The following EFNA5 variants were observed in gnomAD, a reference collection of about 807,000 sequenced individuals.
EFNA5 encodes the protein ephrin A5.
EFNA5 carries 5 observed loss-of-function variants against 22.9 expected under a neutral mutation model. The observed-to-expected ratio is 0.22, with a 90% confidence interval of 0.11 to 0.46. The LOEUF (loss-of-function observed/expected upper bound fraction) is 0.46, where lower values mean the gene tolerates loss of function less well. Among genes scored for constraint, EFNA5 ranks in the 20% least tolerant of loss-of-function variants. The pLI, the probability that EFNA5 is intolerant of heterozygous loss-of-function variation, is 0.99. For missense variants in EFNA5, 237 were observed against 293.3 expected (o/e 0.81, Z 1.40); for synonymous variants, 113 against 112.2 (o/e 1.01, Z -0.04).
intron 1 of EFNA5, among the ~76,000 whole-genome samples, chr5:107,545,305 T>C (rs1344650682): frequency 2.0e-5 from 3 of 152,258 alleles, no homozygotes; most frequent in African/African-American, 7.2e-5. Context: ...ACACATGCAG[T>C]ATTTCTAATG....
At chr5:107,520,864 A>G (rs1377300689) in intron 1 of EFNA5, among the ~76,000 whole-genome samples, 1 of 152,220 alleles carries the variant, frequency 6.6e-6, no homozygotes, top group African/African-American at 2.4e-5. Context: ...CAGGGTACTT[A>G]GCAGTCATTC....
intron 1 of EFNA5, among the ~76,000 whole-genome samples, chr5:107,629,767 T>C (rs62355655): frequency 0.087 from 13,248 of 152,232 alleles, 641 homozygotes; most frequent in Middle Eastern, 0.2. Context: ...TAAAACATTA[T>C]GAGATGTGGC....
chr5:107,414,981 C>CT (rs1208191589), intron 2 of EFNA5, among the ~76,000 whole-genome samples: 1 of 152,128 alleles, frequency 6.6e-6, no homozygotes, highest in Non-Finnish European at 1.5e-5. Context: ...TTGAACACTG[C>CT]TTTTCACACA....
At chr5:107,480,547 A>G (rs553889090) in intron 1 of EFNA5, among the ~76,000 whole-genome samples, 5 of 152,350 alleles carry the variant, frequency 3.3e-5, no homozygotes, top group Admixed American at 3.3e-4. Flanking sequence ...ATGGATCAAG[A>G]CTAAAGACAC....
At chr5:107,506,791 G>A (rs1291735251) in intron 1 of EFNA5, among the ~76,000 whole-genome samples, 1 of 152,096 alleles carries the variant, frequency 6.6e-6, no homozygotes, top group East Asian at 1.9e-4. Flanking sequence ...AGATTTTGAG[G>A]GTGAAACCTA....
At chr5:107,381,726 C>T (rs967070853) in intron 4 of EFNA5, among the ~76,000 whole-genome samples, 9 of 151,560 alleles carry the variant, frequency 5.9e-5, no homozygotes, top group African/African-American at 1.9e-4. Context: ...TAAGATGTCA[C>T]AGGCAAGCAA....
At chr5:107,561,254 A>G (rs1437640925) in intron 1 of EFNA5, among the ~76,000 whole-genome samples, 1 of 152,238 alleles carries the variant, frequency 6.6e-6, no homozygotes, top group African/African-American at 2.4e-5. Flanking sequence ...TTAGTAAGAA[A>G]TAGCCATAAA....
intron 1 of EFNA5, among the ~76,000 whole-genome samples, chr5:107,489,088 T>A (rs905773847): frequency 1.3e-5 from 2 of 152,364 alleles, no homozygotes; most frequent in South Asian, 2.1e-4. Flanking sequence ...ATTCAAGGTA[T>A]ATATAATAGG....
At chr5:107,480,716 G>A (rs1015137739) in intron 1 of EFNA5, among the ~76,000 whole-genome samples, 7 of 152,164 alleles carry the variant, frequency 4.6e-5, no homozygotes, top group Admixed American at 4.6e-4. Context: ...ATACACAGAA[G>A]CCAGGGAAAA....
intron 1 of EFNA5, among the ~76,000 whole-genome samples, chr5:107,532,444 G>T (rs1036084508): frequency 6.6e-6 from 1 of 152,236 alleles, no homozygotes; most frequent in African/African-American, 2.4e-5. Flanking sequence ...ATTCCAGCAG[G>T]GAGTCTGGCT....
intron 4 of EFNA5, among the ~76,000 whole-genome samples, chr5:107,382,881 C>T (rs779755599): frequency 5.3e-5 from 8 of 152,164 alleles, no homozygotes; most frequent in Non-Finnish European, 1.2e-4. Flanking sequence ...CCTAAATACC[C>T]CTGGATGACC....
chr5:107,535,629 C>T (rs554869851), intron 1 of EFNA5, among the ~76,000 whole-genome samples: 1 of 152,202 alleles, frequency 6.6e-6, no homozygotes, highest in East Asian at 1.9e-4. Context: ...ATAGAGCCCT[C>T]TAACTGCAGC....
chr5:107,454,799 G>GA (rs1749650843), intron 1 of EFNA5, among the ~76,000 whole-genome samples: 1 of 151,962 alleles, frequency 6.6e-6, no homozygotes, highest in African/African-American at 2.4e-5. Flanking sequence ...ATACATTTCA[G>GA]AAAAAAATGT....
Position 107,649,851 on chromosome 5 carries a change from T to C in EFNA5, c.125+20638A>G, listed in dbSNP as rs569919270. Reference sequence around the variant, plus strand: ...CATCACAGTAACTCTATCAGACAAATAGATTAGTATTTCCATATATAAATG... The same window carrying C: ...CATCACAGTAACTCTATCAGACAAACAGATTAGTATTTCCATATATAAATG... On this transcript the variant is annotated intron_variant, in intron 1 of 4. Coordinates refer to ENST00000333274, the MANE Select transcript of EFNA5 (RefSeq NM_001962.3). Among the ~76,000 whole-genome samples, 6 of 152,258 alleles carry C rather than the reference T, an allele frequency of 3.9e-5. No homozygotes were observed. In the East Asian group the frequency reaches 7.7e-4, roughly 20 times the overall value.
intron 1 of EFNA5, among the ~76,000 whole-genome samples, chr5:107,592,015 A>AT (rs1561443248): frequency 2.6e-5 from 1 of 38,044 alleles, no homozygotes; most frequent in African/African-American, 2.0e-4. Context: ...TAATATATAT[A>AT]ATATAATATA....
At chr5:107,396,090 A>G (rs1481207857) in intron 2 of EFNA5, among the ~76,000 whole-genome samples, 1 of 152,266 alleles carries the variant, frequency 6.6e-6, no homozygotes, top group East Asian at 1.9e-4. Context: ...TAAATTACTA[A>G]TAAATCATCA....
chr5:107,612,085 C>T (rs776896503), intron 1 of EFNA5, among the ~76,000 whole-genome samples: 2 of 152,108 alleles, frequency 1.3e-5, no homozygotes, highest in African/African-American at 2.4e-5. Flanking sequence ...CAGAAGTTAA[C>T]AAAGGATTTG....
intron 1 of EFNA5, among the ~76,000 whole-genome samples, chr5:107,460,650 A>C (rs955817212): frequency 6.6e-6 from 1 of 152,316 alleles, no homozygotes; most frequent in Admixed American, 6.5e-5. Context: ...AAAACCCTGA[A>C]AGTAGCTTTC....
chr5:107,389,333 G>T (rs1561365308), intron 2 of EFNA5, among the ~76,000 whole-genome samples: 1 of 152,170 alleles, frequency 6.6e-6, no homozygotes, highest in African/African-American at 2.4e-5. Flanking sequence ...GACCTCAACT[G>T]CAAATGTGCA....
Sources: allele counts gnomAD v4.1 joint callset (sites outside exome capture counted in the v4.1 genomes callset), GRCh38; gene constraint gnomAD v4.1.1; transcripts MANE v1.5; gene names NCBI Gene and HGNC (gene_info 2026-07-23, HGNC 2026-07-21).